The following GAK variants were observed in gnomAD, a reference collection of about 807,000 sequenced individuals.
The protein encoded by GAK is cyclin G associated kinase.
GAK carries 79 observed loss-of-function variants against 143.9 expected under a neutral mutation model. That is an observed-to-expected ratio of 0.55 (90% CI 0.46 to 0.66). The LOEUF is 0.66. Among genes scored for constraint, GAK ranks in the 30% least tolerant of loss-of-function variants. GAK has a pLI of 0.00. For missense variants in GAK, 1,693 were observed against 1,779.7 expected, an observed-to-expected ratio of 0.95 and a Z score of 0.88; for synonymous variants, 881 against 765.5, an observed-to-expected ratio of 1.15 and a Z score of -2.49.
At chr4:870,672 C>T (rs377642476) in intron 19 of GAK, 39 bp downstream of exon 19, 1 of 1,601,554 alleles carries the variant, frequency 6.2e-7, no homozygotes, top group Admixed American at 1.7e-5. Flanking sequence ...GAGACACTCA[C>T]CAGAACAGGG....
At chr4:893,757 G>A in intron 8 of GAK, 117 bp downstream of exon 8, 3 of 1,251,338 alleles carry the variant, frequency 2.4e-6, no homozygotes, top group Non-Finnish European at 3.2e-6. Context: ...CAAAACTATG[G>A]TGACGGGCGG....
chr4:907,319 T>C (rs1721259818), intron 4 of GAK, among the ~76,000 whole-genome samples: 1 of 152,056 alleles, frequency 6.6e-6, no homozygotes, highest in East Asian at 1.9e-4. Context: ...CTCTCAGCCC[T>C]CACCACAGCT....
At chr4:856,773 A>G (rs1749368245) in intron 24 of GAK, among the ~76,000 whole-genome samples, 1 of 152,220 alleles carries the variant, frequency 6.6e-6, no homozygotes, top group Admixed American at 6.5e-5. Flanking sequence ...CAGGGGTCTC[A>G]CTATATTGCT....
chr4:887,165 C>A (rs113646280), intron 11 of GAK: 3,556 of 150,670 alleles, frequency 0.024, 57 homozygotes, highest in Admixed American at 0.037. Flanking sequence ...ACGCGGCTCA[C>A]GCGCACACAC....
In GAK at chr4:883,340, T is replaced by A. The variant is rs1025126108; in HGVS notation, c.1379A>T (p.Tyr460Phe). ...YAVYNLSPRT[Y>F]RPSRFHNRVS... ...CCGGTTGTGGAACCTGGAGGGCCGGTAGGTCCTCGGGGACAGGTTGTAGAC... is the reference window on the plus strand; with the variant it reads ...CCGGTTGTGGAACCTGGAGGGCCGGAAGGTCCTCGGGGACAGGTTGTAGAC... The change falls in exon 13 of 28, where the codon TAC (tyrosine) becomes TTC (phenylalanine). Residue 460 changes from tyrosine (Y) to phenylalanine (F), a missense_variant. Tyr to Phe is a conservative substitution (Grantham distance 22). Coordinates refer to ENST00000314167, the MANE Select transcript of GAK (RefSeq NM_005255.4). 4 of 1,613,344 alleles carry A rather than the reference T, an allele frequency of 2.5e-6. No individual in the cohort carries two copies. Among genetic ancestry groups the A allele is most frequent in the African/African-American group, 2.7e-5 (2 of 74,922 alleles).
Position 877,616 on chromosome 4 carries a change from G to T in GAK, c.1855C>A (p.Arg619=). The T allele has an allele frequency of 6.3e-7, 1 of 1,578,640 alleles. No individual in the cohort carries two copies. Among genetic ancestry groups the T allele is most frequent in the African/African-American group, 1.3e-5 (1 of 74,464 alleles). Residue 619 remains arginine, a splice_region_variant and synonymous_variant, in exon 16 of 28, where the codon CGG becomes AGG. Transcript: ENST00000314167. The part of the protein sequence containing the change: ...ASTSQEYDKM[R]DFKIEDGKAV... ...GCGTGGGGCTGCAGCTGCACTCACC[G>T]CATCTTGTCGTACTCCTGGGAGGTG...
chr4:918,508 AGTTACT>A (rs1385819448), intron 1 of GAK, among the ~76,000 whole-genome samples: 1 of 152,278 alleles, frequency 6.6e-6, no homozygotes, highest in Non-Finnish European at 1.5e-5. Context: ...GTGACTATAC[AGTTACT>A]AACGACAGAT....
At chr4:854,765 G>A (rs1748829240) in intron 24 of GAK, among the ~76,000 whole-genome samples, 1 of 152,226 alleles carries the variant, frequency 6.6e-6, no homozygotes, top group South Asian at 2.1e-4. Context: ...TCCAGGCATG[G>A]CTGGGTGCGG....
intron 23 of GAK, among the ~76,000 whole-genome samples, chr4:862,045 A>C (rs1750373132): frequency 6.6e-6 from 1 of 152,232 alleles, no homozygotes; most frequent in African/African-American, 2.4e-5. Flanking sequence ...ATCTGCTAAG[A>C]TGCAGCTGAG....
intron 11 of GAK, among the ~76,000 whole-genome samples, chr4:885,067 T>A (rs1195170547): frequency 2.0e-5 from 3 of 151,600 alleles, no homozygotes; most frequent in Non-Finnish European, 4.4e-5. Context: ...ACCGAGCAGG[T>A]GCTGACTCAG....
chr4:924,641 G>T (rs1034389578), intron 1 of GAK, among the ~76,000 whole-genome samples: 1 of 151,314 alleles, frequency 6.6e-6, no homozygotes, highest in Non-Finnish European at 1.5e-5. Flanking sequence ...ATGTTCACTT[G>T]TGACCCTCAA....
chr4:911,973 G>C, intron 3 of GAK, 186 bp from the exon 4 acceptor site: 1 of 532,388 alleles, frequency 1.9e-6, no homozygotes, highest in African/African-American at 1.9e-5. Context: ...GCAGACAGAG[G>C]CAGGAGGAGC....
rs756268631 is a variant in GAK, at chr4:876,552, C to A, written c.2032G>T (p.Ala678Ser). The A allele has an allele frequency of 6.2e-7, 1 of 1,614,134 alleles. No individual in the cohort carries two copies. The highest frequency in any genetic ancestry group is 1.1e-5 in the South Asian group (1 of 91,072). The change falls in exon 18 of 28, where the codon GCC (alanine) becomes TCC (serine). Residue 678 changes from alanine (A) to serine (S), a missense_variant. Physicochemically the swap from Ala to Ser is moderately conservative, Grantham distance 99. This residue lies in a region of GAK where 871 missense variants were observed against 991.0 expected (regional missense o/e 0.88). Coordinates refer to ENST00000314167, the MANE Select transcript of GAK (RefSeq NM_005255.4). Reference sequence around the variant, plus strand: ...TACTTGGCAAATTTCACAGTGGTGGCGTTCCGAGGCACAAACCCCGTGTGG... The same window carrying A: ...TACTTGGCAAATTTCACAGTGGTGGAGTTCCGAGGCACAAACCCCGTGTGG... ...QFHTGFVPRN[A>S]TTVKFAKYDL...
intron 23 of GAK, among the ~76,000 whole-genome samples, chr4:861,313 G>C (rs761865965): frequency 6.6e-6 from 1 of 152,172 alleles, no homozygotes; most frequent in Non-Finnish European, 1.5e-5. Context: ...GAGGAAGGCC[G>C]GGTGCAGCAG....
intron 24 of GAK, among the ~76,000 whole-genome samples, chr4:857,442 G>A (rs574045349): frequency 1.3e-5 from 2 of 152,132 alleles, no homozygotes; most frequent in Admixed American, 6.5e-5. Context: ...GGGTCCGCAG[G>A]TTTCCTTTTT....
intron 18 of GAK, 23 bp downstream of exon 18, chr4:876,507 G>T (rs774276749): frequency 8.7e-6 from 14 of 1,608,994 alleles, no homozygotes; most frequent in Non-Finnish European, 1.1e-5. Flanking sequence ...CCTCCCCACC[G>T]AGCACAAGCG....
intron 8 of GAK, 105 bp from the exon 9 acceptor site, chr4:893,594 A>G: frequency 1.3e-6 from 1 of 796,024 alleles, no homozygotes; most frequent in Non-Finnish European, 1.9e-6. Flanking sequence ...CCCTCTACAC[A>G]CATCAGTGAC....
chr4:925,942 G>A (rs974092820), intron 1 of GAK, among the ~76,000 whole-genome samples: 6 of 152,198 alleles, frequency 3.9e-5, no homozygotes, highest in Admixed American at 1.3e-4. Flanking sequence ...GGAGTCCACG[G>A]AGTGGAGGAG....
intron 1 of GAK, among the ~76,000 whole-genome samples, chr4:926,541 A>G (rs1724777552): frequency 6.6e-6 from 1 of 152,186 alleles, no homozygotes; most frequent in Non-Finnish European, 1.5e-5. Context: ...TTCCAGGGCT[A>G]CTGTGAGGAC....
Sources: allele counts gnomAD v4.1 joint callset (sites outside exome capture counted in the v4.1 genomes callset), GRCh38; gene constraint gnomAD v4.1.1; regional missense constraint gnomAD v4.1.1; transcripts MANE v1.5; gene names NCBI Gene and HGNC (gene_info 2026-07-23, HGNC 2026-07-21).